Variants in CHCHD6 observed in about 807,000 individuals in gnomAD.
CHCHD6 encodes coiled-coil-helix-coiled-coil-helix domain containing 6, also known as MICOS complex subunit MIC25.
A neutral mutation model predicts 32.3 loss-of-function variants in CHCHD6; 28 were observed. That is an observed-to-expected ratio of 0.87 (90% CI 0.64 to 1.19). The LOEUF (loss-of-function observed/expected upper bound fraction) is 1.19, where lower values mean the gene tolerates loss of function less well. Ranked by LOEUF, CHCHD6 falls within the 50% of genes most tolerant of loss-of-function variation. CHCHD6 has a pLI of 0.00. For synonymous variants in CHCHD6, 122 were observed against 117.5 expected (o/e 1.04, Z -0.25); for missense variants, 333 against 307.0 (o/e 1.08, Z -0.63).
intron 6 of CHCHD6, among the ~76,000 whole-genome samples, chr3:126,947,392 T>C (rs1457153729): frequency 6.6e-6 from 1 of 152,258 alleles, no homozygotes; most frequent in Non-Finnish European, 1.5e-5. Flanking sequence ...CTGCCTAATG[T>C]GGTTCGGGGC....
chr3:126,837,573 C>G (rs951040159), intron 4 of CHCHD6, among the ~76,000 whole-genome samples: 5 of 152,278 alleles, frequency 3.3e-5, no homozygotes, highest in Admixed American at 2.6e-4. Flanking sequence ...TTCATACATA[C>G]ATATATACAT....
chr3:126,845,622 G>T (rs934669394), intron 4 of CHCHD6, among the ~76,000 whole-genome samples: 2 of 151,806 alleles, frequency 1.3e-5, no homozygotes, highest in Non-Finnish European at 2.9e-5. Flanking sequence ...TAATCTTGGG[G>T]GCCCTGTTCC....
At chr3:126,734,915 TC>T (rs550096829) in intron 4 of CHCHD6, among the ~76,000 whole-genome samples, 142 of 152,248 alleles carry the variant, frequency 9.3e-4, no homozygotes, top group Non-Finnish European at 1.6e-3. Flanking sequence ...AGTCAATGGT[TC>T]CTGAAGTTTG....
chr3:126,901,634 T>C (rs571467877), intron 5 of CHCHD6, among the ~76,000 whole-genome samples: 4 of 152,352 alleles, frequency 2.6e-5, no homozygotes, highest in African/African-American at 9.6e-5. Context: ...GAGAGGAGGC[T>C]TCCGACTCAG....
At chr3:126,746,648 A>T (rs1936514674) in intron 4 of CHCHD6, among the ~76,000 whole-genome samples, 1 of 152,160 alleles carries the variant, frequency 6.6e-6, no homozygotes. Context: ...CACACACTGG[A>T]CATTAATAGA....
chr3:126,924,430 T>A (rs1319753539), intron 6 of CHCHD6, among the ~76,000 whole-genome samples: 1 of 152,218 alleles, frequency 6.6e-6, no homozygotes, highest in South Asian at 2.1e-4. Flanking sequence ...CACGTATAGC[T>A]TGTATAATTA....
At chr3:126,919,907 G>A (rs2078222554) in intron 6 of CHCHD6, among the ~76,000 whole-genome samples, 1 of 151,492 alleles carries the variant, frequency 6.6e-6, no homozygotes, top group Non-Finnish European at 1.5e-5. Flanking sequence ...TTGGATTCAG[G>A]TCTTGAAGGT....
At chr3:126,877,228 CT>C (rs1399368016) in intron 5 of CHCHD6, among the ~76,000 whole-genome samples, 1 of 152,140 alleles carries the variant, frequency 6.6e-6, no homozygotes, top group African/African-American at 2.4e-5. Context: ...TATAGTTTGG[CT>C]TTTAAACCCT....
intron 4 of CHCHD6, among the ~76,000 whole-genome samples, chr3:126,743,518 G>T (rs537252731): frequency 7.2e-5 from 11 of 151,944 alleles, no homozygotes; most frequent in Non-Finnish European, 1.5e-4. Context: ...TTAGCAGATC[G>T]CATGTCTCTG....
At chr3:126,801,098 G>A (rs909793690) in intron 4 of CHCHD6, among the ~76,000 whole-genome samples, 1 of 152,234 alleles carries the variant, frequency 6.6e-6, no homozygotes, top group African/African-American at 2.4e-5. Flanking sequence ...TGGCCGAATA[G>A]GAACAGCTCC....
chr3:126,743,612 C>G (rs989379991), intron 4 of CHCHD6, among the ~76,000 whole-genome samples: 5 of 152,144 alleles, frequency 3.3e-5, no homozygotes, highest in Non-Finnish European at 5.9e-5. Context: ...AGTGCTTTCT[C>G]TTCAGCCTCT....
intron 4 of CHCHD6, among the ~76,000 whole-genome samples, chr3:126,794,161 A>G (rs553860109): frequency 1.6e-4 from 25 of 151,896 alleles, no homozygotes; most frequent in Admixed American, 4.6e-4. Flanking sequence ...ATTTTCAATC[A>G]TTATTTCTGC....
chr3:126,726,232 C>T (rs1055861905), intron 1 of CHCHD6, among the ~76,000 whole-genome samples: 1 of 152,148 alleles, frequency 6.6e-6, no homozygotes, highest in Non-Finnish European at 1.5e-5. Flanking sequence ...TGTTGTGTCT[C>T]AGGGGATAGA....
intron 4 of CHCHD6, among the ~76,000 whole-genome samples, chr3:126,746,616 C>T (rs761867394): frequency 1.3e-5 from 2 of 152,130 alleles, no homozygotes; most frequent in African/African-American, 4.8e-5. Flanking sequence ...GACATGATGT[C>T]GGCACCTTAT....
intron 4 of CHCHD6, among the ~76,000 whole-genome samples, chr3:126,828,720 A>G (rs1449856540): frequency 1.3e-5 from 2 of 152,206 alleles, no homozygotes; most frequent in Admixed American, 1.3e-4. Flanking sequence ...TGTTTATTCC[A>G]GTACCCCTTC....
At chr3:126,933,419 C>G (rs952824834) in intron 6 of CHCHD6, among the ~76,000 whole-genome samples, 1 of 152,160 alleles carries the variant, frequency 6.6e-6, no homozygotes, top group African/African-American at 2.4e-5. Flanking sequence ...ATACTTGAGG[C>G]TGGGTAATTT....
At chr3:126,857,749 A>G (rs892846643) in intron 5 of CHCHD6, among the ~76,000 whole-genome samples, 1 of 152,236 alleles carries the variant, frequency 6.6e-6, no homozygotes, top group African/African-American at 2.4e-5. Context: ...CAACCACAAC[A>G]TGATACCATT....
intron 4 of CHCHD6, among the ~76,000 whole-genome samples, chr3:126,740,657 G>C (rs886280607): frequency 6.6e-6 from 1 of 152,176 alleles, no homozygotes; most frequent in Non-Finnish European, 1.5e-5. Context: ...CTGCCCATCT[G>C]CATGCCCCAT....
At chr3:126,878,302 A>G (rs2077565748) in intron 5 of CHCHD6, among the ~76,000 whole-genome samples, 1 of 152,390 alleles carries the variant, frequency 6.6e-6, no homozygotes, top group South Asian at 2.1e-4. Flanking sequence ...ACCATTCCTA[A>G]TTGAAAGAAA....
Sources: gnomAD v4.1 joint callset for allele counts (sites outside exome capture counted in the v4.1 genomes callset) on GRCh38, gnomAD v4.1.1 for gene constraint, MANE v1.5 for transcripts, NCBI Gene and HGNC (gene_info 2026-07-23, HGNC 2026-07-21) for gene names.